Variants in FBXO11 observed in about 807,000 individuals in gnomAD.
FBXO11 encodes the protein F-box only protein 11.
FBXO11 carries 13 observed loss-of-function variants against 117.0 expected under a neutral mutation model. The observed-to-expected ratio is 0.11, with a 90% CI of 0.07 to 0.18. FBXO11 has a LOEUF of 0.18. FBXO11 is among the 10% of genes least tolerant of loss of function. The pLI is 1.00. For missense variants in FBXO11, 767 were observed against 1,164.4 expected, an observed-to-expected ratio of 0.66 and a Z score of 4.97; for synonymous variants, 490 against 380.5, an observed-to-expected ratio of 1.29 and a Z score of -3.35.
At chr2:47,901,171 GTATA>G (rs368199849) in intron 1 of FBXO11, among the ~76,000 whole-genome samples, 2 of 134,852 alleles carry the variant, frequency 1.5e-5, no homozygotes, top group African/African-American at 2.7e-5. Context: ...ACATATATAT[GTATA>G]TATATGTGGG....
In FBXO11 at chr2:47,814,095, A is replaced by C. The variant is rs1427010953; in HGVS notation, c.2007-228T>G. On this transcript the variant is annotated intron_variant, in intron 16 of 22. Coordinates refer to ENST00000403359, the MANE Select transcript of FBXO11 (RefSeq NM_001190274.2). Reference sequence around the variant, plus strand: ...ATTATTGTAGAGTTTCCTAACATGTAAACTAAATGGGGTTATATTAAGTGA... The same window carrying C: ...ATTATTGTAGAGTTTCCTAACATGTCAACTAAATGGGGTTATATTAAGTGA... 3 of 432,942 alleles carry C rather than the reference A, an allele frequency of 6.9e-6. No individual in the cohort carries two copies. In the Admixed American group the frequency reaches 1.2e-4, roughly 17 times the overall value. The allele number at this position is 432,942 out of a possible 1,614,324, so 26.8% of individuals were successfully genotyped here. A position where few individuals can be genotyped will look rare whatever the true frequency, so the allele number is the denominator to read the frequency against.
At chr2:47,839,987 A>T (rs912259282) in intron 1 of FBXO11, among the ~76,000 whole-genome samples, 1 of 151,602 alleles carries the variant, frequency 6.6e-6, no homozygotes, top group Non-Finnish European at 1.5e-5. Flanking sequence ...TCTGTCGCCC[A>T]GGCTGGAGTG....
chr2:47,825,057 T>C (rs78941724), intron 11 of FBXO11, among the ~76,000 whole-genome samples: 10,889 of 152,220 alleles, frequency 0.072, 552 homozygotes, highest in Non-Finnish European at 0.11. Context: ...TGTAAGACTT[T>C]ACACACAGTA....
chr2:47,870,318 T>C (rs74583969), intron 1 of FBXO11, among the ~76,000 whole-genome samples: 8,404 of 152,262 alleles, frequency 0.055, 246 homozygotes, highest in Non-Finnish European at 0.069. Context: ...GATTGCTACA[T>C]AGTCTCTGTG....
Position 47,834,723 on chromosome 2 carries a change from T to C in FBXO11, c.802-12A>G. 7 of 1,607,038 alleles carry C rather than the reference T, an allele frequency of 4.4e-6. No individual in the cohort carries two copies. The highest frequency in any genetic ancestry group is 5.9e-6 in the Non-Finnish European group (7 of 1,177,996). On this transcript the variant is annotated splice_polypyrimidine_tract_variant and intron_variant, in intron 6 of 22. Coordinates refer to ENST00000403359, the MANE Select transcript of FBXO11 (RefSeq NM_001190274.2). ...ATAGTATCATAATACTAGAAAAAAA[T>C]AAATGTGTCAGTACAGAACTGAAAG... is the stretch of plus-strand genomic sequence containing the variant.
chr2:47,861,110 A>G (rs1263246426), intron 1 of FBXO11, among the ~76,000 whole-genome samples: 4 of 152,090 alleles, frequency 2.6e-5, no homozygotes, highest in South Asian at 2.1e-4. Context: ...ACGGCCTCCC[A>G]AAGTGCTGGA....
At chr2:47,852,798 G>C (rs969577031) in intron 1 of FBXO11, among the ~76,000 whole-genome samples, 1 of 152,142 alleles carries the variant, frequency 6.6e-6, no homozygotes, top group African/African-American at 2.4e-5. Context: ...TTGAATCCTT[G>C]CATCAACTTC....
chr2:47,886,065 T>C (rs1479732615), intron 1 of FBXO11, among the ~76,000 whole-genome samples: 1 of 148,170 alleles, frequency 6.7e-6, no homozygotes, highest in Non-Finnish European at 1.5e-5. Flanking sequence ...AAAAACAAAT[T>C]TGGCAACATT....
intron 16 of FBXO11, among the ~76,000 whole-genome samples, chr2:47,814,488 C>T (rs1670871341): frequency 6.6e-6 from 1 of 151,182 alleles, no homozygotes. Context: ...AAGCAATCCT[C>T]CTGCCTAAGC....
At chr2:47,904,743 G>C (rs888165066) in intron 1 of FBXO11, among the ~76,000 whole-genome samples, 1 of 152,130 alleles carries the variant, frequency 6.6e-6, no homozygotes, top group Non-Finnish European at 1.5e-5. Context: ...CGATAGAGCG[G>C]AAGGGTAACT....
At position 47,839,667 on chromosome 2, in the gene FBXO11, G is replaced by A. The variant is rs142562364; in HGVS notation, c.335C>T (p.Ala112Val). The change falls in exon 2 of 23, where the codon GCG becomes GTG. Residue 112 changes from alanine to valine, a missense_variant. Transcript: ENST00000403359. ...RRKTLLPKRT[A>V]CPTKNSMEGA... ...CTCCATACTGTTCTTTGTGGGACAC[G>A]CTGTTCTTTTCGGCAAAAGAGTTTT... 81 of 1,614,058 alleles carry A rather than the reference G, an allele frequency of 5.0e-5. No individual in the cohort carries two copies. Among genetic ancestry groups the A allele is most frequent in the South Asian group, 3.8e-4 (35 of 91,076 alleles).
chr2:47,897,993 AG>A (rs1677804822), intron 1 of FBXO11, among the ~76,000 whole-genome samples: 2 of 152,184 alleles, frequency 1.3e-5, no homozygotes, highest in South Asian at 4.1e-4. Flanking sequence ...ATGTTTTTTA[AG>A]GTTTAGTCAC....
rs558259803 is a variant in FBXO11, at chr2:47,863,473, G to A, written c.233-23704C>T. Among the ~76,000 whole-genome samples the A allele has an allele frequency of 3.3e-5, 5 of 152,250 alleles. No homozygotes were observed. In the South Asian group the frequency reaches 1.0e-3, roughly 32 times the overall value. ...CTATAATCAAATCATAAAGGCATTAGTTTAATAAACTCTTCTTTAAAGAAA... is the reference window on the plus strand; with the variant it reads ...CTATAATCAAATCATAAAGGCATTAATTTAATAAACTCTTCTTTAAAGAAA... On this transcript the variant is annotated intron_variant, in intron 1 of 22. Transcript: ENST00000403359.
At chr2:47,861,356 T>A (rs114118471) in intron 1 of FBXO11, among the ~76,000 whole-genome samples, 1 of 151,118 alleles carries the variant, frequency 6.6e-6, no homozygotes, top group Non-Finnish European at 1.5e-5. Context: ...TCTTGCTCTG[T>A]TGCTCAGGCA....
chr2:47,905,548 G>T lies in FBXO11; in HGVS notation c.173C>A (p.Pro58Gln), dbSNP rs919267110. 2.5e-5 allele frequency: 31 copies of T among 1,241,912 alleles called. No individual in the cohort carries two copies. Among genetic ancestry groups the T allele is most frequent in the Non-Finnish European group, 3.0e-5 (30 of 995,830 alleles). 76.9% of individuals were successfully genotyped at this position (1,241,912 alleles called of 1,614,324 possible). The change falls in exon 1 of 23, where the codon CCG becomes CAG. Residue 58 changes from proline (P) to glutamine (Q), a missense_variant. By Grantham distance (76) the Pro-to-Gln change is moderately conservative (BLOSUM62 -1). Coordinates refer to ENST00000403359, the MANE Select transcript of FBXO11 (RefSeq NM_001190274.2). Reference protein sequence around the residue: ...PPQQQQQQQPPPPPPPPPPLP... With the variant: ...PPQQQQQQQPQPPPPPPPPLP... ...CGGCGGAGGCGGCGGTGGCGGCGGC[G>T]GAGGCTGCTGCTGCTGCTGCTGCTG... is the stretch of plus-strand genomic sequence containing the variant.
At chr2:47,828,721 A>C (rs889239318) in intron 11 of FBXO11, among the ~76,000 whole-genome samples, 2 of 152,168 alleles carry the variant, frequency 1.3e-5, no homozygotes, top group African/African-American at 2.4e-5. Flanking sequence ...CCACAACTCT[A>C]ATCTATAAAA....
intron 1 of FBXO11, among the ~76,000 whole-genome samples, chr2:47,873,381 T>C (rs1401156572): frequency 6.6e-6 from 1 of 152,262 alleles, no homozygotes; most frequent in Non-Finnish European, 1.5e-5. Flanking sequence ...GAAGTCTAAC[T>C]GCTCTTTTTA....
At chr2:47,813,164 T>C (rs751913061) in intron 18 of FBXO11, 70 bp downstream of exon 18, 10 of 1,438,214 alleles carry the variant, frequency 7.0e-6, no homozygotes, top group South Asian at 5.7e-5. Flanking sequence ...AGCAATGTCA[T>C]TGATCATTAA....
At chr2:47,859,597 C>G (rs929629637) in intron 1 of FBXO11, among the ~76,000 whole-genome samples, 2 of 152,190 alleles carry the variant, frequency 1.3e-5, no homozygotes, top group African/African-American at 4.8e-5. Context: ...TGTATACAAA[C>G]AGCTGAAGCT....
Sources: gnomAD v4.1 joint callset for allele counts (sites outside exome capture counted in the v4.1 genomes callset) on GRCh38, gnomAD v4.1.1 for gene constraint, MANE v1.5 for transcripts, NCBI Gene and HGNC (gene_info 2026-07-23, HGNC 2026-07-21) for gene names.